CPE: variants seen among roughly 807,000 people sequenced by gnomAD.
The protein encoded by CPE is carbocypeptidase E.
Under a neutral mutation model 53.5 loss-of-function variants are expected in CPE, and 17 were observed. The observed-to-expected ratio is 0.32, with a 90% confidence interval of 0.22 to 0.48. The LOEUF (loss-of-function observed/expected upper bound fraction) is 0.48, where lower values mean the gene tolerates loss of function less well. Ranked by LOEUF, CPE falls within the 20% of genes least tolerant of loss-of-function variation. The probability of loss-of-function intolerance (pLI) is 0.99; values close to 1 mark genes in which losing one functional copy is unlikely to be tolerated. For missense variants in CPE, 524 were observed against 614.7 expected (o/e 0.85, Z 1.56); for synonymous variants, 226 against 228.8 (o/e 0.99, Z 0.11).
chr4:165,475,373 G>T (rs1365716989), intron 3 of CPE, among the ~76,000 whole-genome samples: 1 of 152,184 alleles, frequency 6.6e-6, no homozygotes, highest in Non-Finnish European at 1.5e-5. Context: ...CCAGACAGGG[G>T]ATGAGTTGGA....
At chr4:165,484,338 C>T in intron 4 of CPE, 84 bp from the exon 5 acceptor site, 2 of 1,254,054 alleles carry the variant, frequency 1.6e-6, no homozygotes, top group South Asian at 3.0e-5. Context: ...AATACAATTA[C>T]TCAATACTGA....
chr4:165,461,188 G>GAAAAAAGAAAGAAAGAAAAAGAA (rs1553976642), intron 1 of CPE, among the ~76,000 whole-genome samples: 1 of 81,210 alleles, frequency 1.2e-5, no homozygotes, highest in Non-Finnish European at 2.3e-5. Context: ...AAAAAAAAAA[G>GAAAAAAGAAAGAAAGAAAAAGAA]AAAGAAAGAA....
intron 1 of CPE, among the ~76,000 whole-genome samples, chr4:165,384,882 C>T (rs1730564409): frequency 6.6e-6 from 1 of 152,060 alleles, no homozygotes; most frequent in Non-Finnish European, 1.5e-5. Flanking sequence ...GTAGAGTAGG[C>T]TTTTAAGTTT....
chr4:165,389,763 A>G (rs1730650638), intron 1 of CPE, among the ~76,000 whole-genome samples: 1 of 152,270 alleles, frequency 6.6e-6, no homozygotes, highest in South Asian at 2.1e-4. Context: ...AAGTCCAAAC[A>G]TCTAGTGAAA....
At chr4:165,443,391 T>A (rs1289326378) in intron 1 of CPE, among the ~76,000 whole-genome samples, 1 of 152,244 alleles carries the variant, frequency 6.6e-6, no homozygotes, top group Non-Finnish European at 1.5e-5. Flanking sequence ...GTGATTCTAT[T>A]GTATTGCTTT....
At chr4:165,442,084 C>T (rs1159826439) in intron 1 of CPE, among the ~76,000 whole-genome samples, 3 of 137,510 alleles carry the variant, frequency 2.2e-5, no homozygotes, top group Non-Finnish European at 4.5e-5. Flanking sequence ...GCTCTGTCAC[C>T]CAGGCTGGAG....
At chr4:165,422,595 G>A (rs147873097) in intron 1 of CPE, among the ~76,000 whole-genome samples, 189 of 152,284 alleles carry the variant, frequency 1.2e-3, no homozygotes, top group African/African-American at 4.3e-3. Flanking sequence ...AGCCTTAGGA[G>A]GTCCTGATGA....
intron 1 of CPE, among the ~76,000 whole-genome samples, chr4:165,397,341 CTG>C (rs1730784489): frequency 6.6e-6 from 1 of 152,160 alleles, no homozygotes. Flanking sequence ...AATTAGGAAA[CTG>C]AGGCCCAAAG....
chr4:165,410,681 A>C (rs193152457), intron 1 of CPE, among the ~76,000 whole-genome samples: 19 of 152,374 alleles, frequency 1.2e-4, no homozygotes, highest in African/African-American at 4.3e-4. Flanking sequence ...AAGGTAGAAT[A>C]ATGTATTAGA....
At chr4:165,445,287 TG>T (rs1731688634) in intron 1 of CPE, among the ~76,000 whole-genome samples, 1 of 136,754 alleles carries the variant, frequency 7.3e-6, no homozygotes, top group Admixed American at 7.2e-5. Flanking sequence ...TCCCTTTTTT[TG>T]TTTTTTTTTT....
chr4:165,483,364 C>T (rs558355343), intron 4 of CPE, among the ~76,000 whole-genome samples: 1 of 152,134 alleles, frequency 6.6e-6, no homozygotes, highest in Non-Finnish European at 1.5e-5. Context: ...TGTATATGTA[C>T]CACATTTTCT....
At chr4:165,481,027 T>TTA (rs1732402325) in intron 3 of CPE, among the ~76,000 whole-genome samples, 3 of 148,050 alleles carry the variant, frequency 2.0e-5, no homozygotes, top group Non-Finnish European at 4.5e-5. Context: ...TTTTTTTTTT[T>TTA]TTTTTTAGCA....
At chr4:165,421,026 C>T (rs184710916) in intron 1 of CPE, among the ~76,000 whole-genome samples, 1 of 152,116 alleles carries the variant, frequency 6.6e-6, no homozygotes, top group Admixed American at 6.6e-5. Flanking sequence ...AATTTATTTT[C>T]AGGAAATAAT....
At position 165,388,577 on chromosome 4, in the gene CPE, C is replaced by T. The variant is rs934513078; in HGVS notation, c.307+9049C>T. On this transcript the variant is annotated intron_variant, in intron 1 of 8. Coordinates refer to ENST00000402744, the MANE Select transcript of CPE (RefSeq NM_001873.4). Reference sequence around the variant, plus strand: ...TGCTTTGGATTCACTCTTTCACACACGTTGAGCTTATATTGCATACTGTAT... The same window carrying T: ...TGCTTTGGATTCACTCTTTCACACATGTTGAGCTTATATTGCATACTGTAT... 7.2e-5 allele frequency among the ~76,000 whole-genome samples: 11 copies of T among 152,252 alleles called. No individual in the cohort carries two copies. The South Asian group carries it at 1.9e-3, about 26-fold the overall frequency.
chr4:165,432,821 A>T (rs938609138), intron 1 of CPE, among the ~76,000 whole-genome samples: 1 of 152,090 alleles, frequency 6.6e-6, no homozygotes. Flanking sequence ...TGCTCCTACC[A>T]GAGACCTGGG....
At chr4:165,485,051 G>A (rs930276184) in intron 5 of CPE, among the ~76,000 whole-genome samples, 13 of 152,112 alleles carry the variant, frequency 8.5e-5, no homozygotes, top group African/African-American at 2.9e-4. Flanking sequence ...ATAATGGGGA[G>A]TATTTGACAT....
intron 4 of CPE, among the ~76,000 whole-genome samples, chr4:165,482,776 T>A (rs189499240): frequency 3.9e-5 from 6 of 152,296 alleles, no homozygotes; most frequent in Non-Finnish European, 8.8e-5. Flanking sequence ...TGTCTTATTG[T>A]GTTGACACAG....
chr4:165,381,784 CTT>C (rs1579235657), intron 1 of CPE, among the ~76,000 whole-genome samples: 2 of 152,316 alleles, frequency 1.3e-5, no homozygotes, highest in Non-Finnish European at 2.9e-5. Context: ...TGTGAATTAA[CTT>C]TAAGGAAGTT....
chr4:165,495,109 AGAAATCTAAATTTCTAACTAG>A (rs1732684289), intron 7 of CPE, among the ~76,000 whole-genome samples: 1 of 152,234 alleles, frequency 6.6e-6, no homozygotes, highest in South Asian at 2.1e-4. Flanking sequence ...CTAAGTCTTT[AGAAATCTAAATTTCTAACTAG>A]GACCTCAGAG....
Sources: gnomAD v4.1 joint callset for allele counts (sites outside exome capture counted in the v4.1 genomes callset) on GRCh38, gnomAD v4.1.1 for gene constraint, MANE v1.5 for transcripts, NCBI Gene and HGNC (gene_info 2026-07-23, HGNC 2026-07-21) for gene names.